The following TENT4B variants were observed in gnomAD, a reference collection of about 807,000 sequenced individuals.
The protein encoded by TENT4B is PAP associated domain containing 5.
A neutral mutation model predicts 75.0 loss-of-function variants in TENT4B; 10 were observed. The observed-to-expected ratio is 0.13, with a 90% CI of 0.08 to 0.23. The LOEUF (loss-of-function observed/expected upper bound fraction) is 0.23. Ranked by LOEUF, TENT4B falls within the 10% of genes least tolerant of loss-of-function variation. The probability of loss-of-function intolerance (pLI) is 1.00; values close to 1 mark genes in which losing one functional copy is unlikely to be tolerated. For synonymous variants in TENT4B, 350 were observed against 357.7 expected (o/e 0.98, Z 0.24); for missense variants, 579 against 893.8 (o/e 0.65, Z 4.49).
chr16:50,229,165 G>A lies in TENT4B; in HGVS notation c.1979G>A (p.Arg660Lys). Residue 660 changes from arginine to lysine, a missense_variant, in exon 12 of 12, where the codon AGG (arginine) becomes AAG (lysine). Physicochemically the swap from Arg to Lys is conservative, Grantham distance 26. Coordinates refer to ENST00000561678, the MANE Select transcript of TENT4B (RefSeq NM_001365324.3). The stretch of plus-strand genomic sequence containing the variant: ...CTGTTTCTGCAGCATGGATCAGCAA[G>A]GCTCTTTCGTTCTTCCAGCAAAGGC... ...STNKSQHGSARLFRSSSKGFQ... is the reference protein window; with the variant it reads ...STNKSQHGSAKLFRSSSKGFQ... The A allele has an allele frequency of 6.2e-7, 1 of 1,613,586 alleles. No individual in the cohort carries two copies. The highest frequency in any genetic ancestry group is 8.5e-7 in the Non-Finnish European group (1 of 1,179,732).
chr16:50,225,744 A>G (rs2032021681), intron 10 of TENT4B, among the ~76,000 whole-genome samples: 1 of 148,136 alleles, frequency 6.8e-6, no homozygotes. Flanking sequence ...GTGCAGTGGT[A>G]TGATCTCGGC....
chr16:50,186,264 A>G (rs140007732), intron 1 of TENT4B, among the ~76,000 whole-genome samples: 4 of 151,216 alleles, frequency 2.6e-5, no homozygotes, highest in South Asian at 2.1e-4. Context: ...ATCTCTATCA[A>G]TTTGCCTCTT....
chr16:50,169,250 G>A (rs1045774176), intron 1 of TENT4B, among the ~76,000 whole-genome samples: 15 of 151,988 alleles, frequency 9.9e-5, no homozygotes, highest in South Asian at 4.1e-4. Flanking sequence ...GAAACCAAGC[G>A]TTGTTTCCTG....
At chr16:50,223,523 A>G (rs990939801) in intron 7 of TENT4B, 136 bp downstream of exon 7, 34 of 641,716 alleles carry the variant, frequency 5.3e-5, no homozygotes, top group Non-Finnish European at 8.6e-5. Context: ...GAAATATTTC[A>G]TGAGCAAACA....
intron 1 of TENT4B, among the ~76,000 whole-genome samples, chr16:50,176,233 C>T (rs1194477182): frequency 1.3e-5 from 2 of 151,412 alleles, no homozygotes; most frequent in East Asian, 3.9e-4. Context: ...ATTATGGGTG[C>T]CCATGACCAC....
At chr16:50,185,143 T>C (rs2038501439) in intron 1 of TENT4B, among the ~76,000 whole-genome samples, 1 of 152,190 alleles carries the variant, frequency 6.6e-6, no homozygotes, top group African/African-American at 2.4e-5. Context: ...TGCTTCCAAG[T>C]TTCTGGCTTC....
chr16:50,214,955 A>G (rs1233402798), intron 3 of TENT4B, among the ~76,000 whole-genome samples: 1 of 152,126 alleles, frequency 6.6e-6, no homozygotes, highest in South Asian at 2.1e-4. Flanking sequence ...TCACTCTTAC[A>G]CTCACCCTCG....
intron 1 of TENT4B, among the ~76,000 whole-genome samples, chr16:50,157,442 C>CTT (rs2037922149): frequency 6.6e-6 from 1 of 152,170 alleles, no homozygotes; most frequent in South Asian, 2.1e-4. Flanking sequence ...ATGGACATTT[C>CTT]TTTAATATGT....
At chr16:50,211,277 A>G (rs1034051361) in intron 1 of TENT4B, 46 bp from the exon 2 acceptor site, 43 of 1,531,624 alleles carry the variant, frequency 2.8e-5, no homozygotes, top group Non-Finnish European at 3.6e-5. Context: ...GTGATTTCTC[A>G]TTAGATTGGC....
intron 1 of TENT4B, among the ~76,000 whole-genome samples, chr16:50,168,467 A>ATT (rs61664898): frequency 0.19 from 23,308 of 123,100 alleles, 2,243 homozygotes; most frequent in East Asian, 0.25. Context: ...CACCCAGCTA[A>ATT]TTTTTTTTTT....
chr16:50,208,738 CT>C (rs922655265), intron 1 of TENT4B, among the ~76,000 whole-genome samples: 119 of 145,892 alleles, frequency 8.2e-4, no homozygotes, highest in Non-Finnish European at 8.0e-4. Flanking sequence ...AATGAATTGT[CT>C]TTTTTTTTTT....
At chr16:50,156,373 T>C (rs1020437243) in intron 1 of TENT4B, among the ~76,000 whole-genome samples, 1 of 150,626 alleles carries the variant, frequency 6.6e-6, no homozygotes, top group African/African-American at 2.4e-5. Context: ...AGACGGAGTT[T>C]CGCTCTTGTT....
chr16:50,187,039 G>A (rs768467239), intron 1 of TENT4B, among the ~76,000 whole-genome samples: 3 of 152,204 alleles, frequency 2.0e-5, no homozygotes, highest in East Asian at 1.9e-4. Flanking sequence ...GAGATTATAG[G>A]TGTAAGCCCC....
chr16:50,195,914 C>T (rs1386544883), intron 1 of TENT4B, among the ~76,000 whole-genome samples: 1 of 152,060 alleles, frequency 6.6e-6, no homozygotes, highest in East Asian at 1.9e-4. Flanking sequence ...AATGAGTAAG[C>T]ATTATTTTGA....
chr16:50,231,757 C>G lies in TENT4B; in HGVS notation c.*2429C>G. 1.0e-6 allele frequency: 1 copy of G among 985,778 alleles called. No homozygotes were observed. Among genetic ancestry groups the G allele is most frequent in the Non-Finnish European group, 1.2e-6 (1 of 829,888 alleles). The allele number at this position is 985,778 out of a possible 1,614,324, so 61.1% of individuals were successfully genotyped here. A position where few individuals can be genotyped will look rare whatever the true frequency, so the allele number is the denominator to read the frequency against. ...ATGACCAGCATTGTATTCGTGAATACTGTGTATCTTGCAGTGAACAGTGTG... is the reference window on the plus strand; with the variant it reads ...ATGACCAGCATTGTATTCGTGAATAGTGTGTATCTTGCAGTGAACAGTGTG... On this transcript the variant is annotated 3_prime_UTR_variant, in exon 12 of 12. Transcript: ENST00000561678.
At chr16:50,220,596 A>G (rs1160905236) in intron 5 of TENT4B, among the ~76,000 whole-genome samples, 1 of 152,136 alleles carries the variant, frequency 6.6e-6, no homozygotes, top group East Asian at 1.9e-4. Context: ...TGGTGCGATC[A>G]TGGCTCATTG....
Position 50,229,791 on chromosome 16 carries a change from T to A in TENT4B, c.*463T>A, listed in dbSNP as rs551981393. The A allele has an allele frequency of 2.3e-4, 220 of 971,196 alleles. No homozygotes were observed. The Middle Eastern group carries it at 3.7e-3, about 16-fold the overall frequency. 60.2% of individuals were successfully genotyped at this position (971,196 alleles called of 1,614,324 possible). ...AAGTGATCTGTGCATGTTTTTTTTT[T>A]AAATATTTTTGCATATATTTACCAT... On this transcript the variant is annotated 3_prime_UTR_variant, in exon 12 of 12. Transcript: ENST00000561678.
intron 1 of TENT4B, among the ~76,000 whole-genome samples, chr16:50,205,936 T>G (rs962452185): frequency 6.6e-6 from 1 of 152,174 alleles, no homozygotes; most frequent in Non-Finnish European, 1.5e-5. Flanking sequence ...TGAACACATT[T>G]TTTATGCTTT....
intron 2 of TENT4B, among the ~76,000 whole-genome samples, chr16:50,212,099 T>G (rs1466413756): frequency 6.6e-6 from 1 of 152,134 alleles, no homozygotes; most frequent in East Asian, 1.9e-4. Context: ...CTCACTCTGT[T>G]GCTGAGGCTG....
Sources: gnomAD v4.1 joint callset for allele counts (sites outside exome capture counted in the v4.1 genomes callset) on GRCh38, gnomAD v4.1.1 for gene constraint, MANE v1.5 for transcripts, NCBI Gene and HGNC (gene_info 2026-07-23, HGNC 2026-07-21) for gene names.